The following CSMD1 variants were observed in gnomAD, a reference collection of about 807,000 sequenced individuals.
The protein encoded by CSMD1 is CUB and sushi domain-containing protein 1.
A neutral mutation model predicts 417.5 loss-of-function variants in CSMD1; 213 were observed. The ratio of observed to expected loss-of-function variants is 0.51; its 90% CI spans 0.46 to 0.57. The LOEUF (loss-of-function observed/expected upper bound fraction) is 0.57. CSMD1 is among the 20% of genes least tolerant of loss of function. The probability of loss-of-function intolerance (pLI) is 0.00; values close to 1 mark genes in which losing one functional copy is unlikely to be tolerated. For synonymous variants in CSMD1, 2,862 were observed against 1,736.8 expected (o/e 1.65, Z -16.11); for missense variants, 6,923 against 4,529.7 (o/e 1.53, Z -15.17).
chr8:4,589,931 C>T (rs899866062), intron 2 of CSMD1, among the ~76,000 whole-genome samples: 6 of 152,100 alleles, frequency 3.9e-5, no homozygotes, highest in African/African-American at 1.4e-4. Flanking sequence ...TTTGTCTAAC[C>T]CACACACTGG....
chr8:3,084,048 G>A (rs1028395096), intron 49 of CSMD1, among the ~76,000 whole-genome samples: 1 of 152,046 alleles, frequency 6.6e-6, no homozygotes, highest in Admixed American at 6.6e-5. Context: ...TTCTCCTTGG[G>A]TCAGTACACA....
chr8:3,241,200 T>A (rs938118970), intron 26 of CSMD1, among the ~76,000 whole-genome samples: 7 of 151,442 alleles, frequency 4.6e-5, no homozygotes, highest in Admixed American at 3.3e-4. Flanking sequence ...ATAAGGGAAC[T>A]GGGCAGGTGG....
intron 2 of CSMD1, among the ~76,000 whole-genome samples, chr8:4,434,848 G>T (rs1018392238): frequency 6.6e-6 from 1 of 152,072 alleles, no homozygotes; most frequent in Non-Finnish European, 1.5e-5. Flanking sequence ...CTGTCTCCTG[G>T]GCAACCGCAA....
At chr8:4,283,331 A>T (rs898168684) in intron 3 of CSMD1, among the ~76,000 whole-genome samples, 1 of 152,138 alleles carries the variant, frequency 6.6e-6, no homozygotes, top group African/African-American at 2.4e-5. Flanking sequence ...GTTCTCCTTC[A>T]CTGCTGCCCT....
chr8:4,448,346 C>T (rs1009252042), intron 2 of CSMD1, among the ~76,000 whole-genome samples: 1 of 152,278 alleles, frequency 6.6e-6, no homozygotes, highest in Admixed American at 6.5e-5. Flanking sequence ...AAGCCTTCTG[C>T]ACTAACTCAA....
At chr8:3,359,426 TAAAAA>T (rs34858861) in intron 20 of CSMD1, 86 bp from the exon 21 acceptor site, 5 of 515,130 alleles carry the variant, frequency 9.7e-6, no homozygotes, top group South Asian at 4.8e-5. Flanking sequence ...GTGCTATTAC[TAAAAA>T]AAAAAAAAAA....
intron 3 of CSMD1, among the ~76,000 whole-genome samples, chr8:4,159,651 C>T (rs1228707744): frequency 1.3e-5 from 2 of 152,126 alleles, no homozygotes; most frequent in South Asian, 2.1e-4. Context: ...CACAGTGGCG[C>T]GATCTCGGCT....
chr8:4,264,802 T>A (rs1804137291), intron 3 of CSMD1, among the ~76,000 whole-genome samples: 1 of 152,134 alleles, frequency 6.6e-6, no homozygotes, highest in African/African-American at 2.4e-5. Flanking sequence ...ACAAGTTAAT[T>A]CTTCTTGTTG....
chr8:3,682,863 T>C (rs537783033), intron 7 of CSMD1, among the ~76,000 whole-genome samples: 35 of 152,072 alleles, frequency 2.3e-4, no homozygotes, highest in Non-Finnish European at 3.7e-4. Context: ...TATGTAGCCA[T>C]AAAAAATGAA....
At chr8:3,580,194 A>G (rs1036479680) in intron 9 of CSMD1, among the ~76,000 whole-genome samples, 1 of 152,200 alleles carries the variant, frequency 6.6e-6, no homozygotes, top group African/African-American at 2.4e-5. Context: ...AGAGAGAACA[A>G]AACTAAGTTT....
At chr8:3,660,975 G>C (rs1215280331) in intron 7 of CSMD1, among the ~76,000 whole-genome samples, 1 of 152,146 alleles carries the variant, frequency 6.6e-6, no homozygotes, top group African/African-American at 2.4e-5. Context: ...AGAGGTGAGG[G>C]ATTGGCAGAG....
At chr8:4,675,319 A>C (rs2130959235) in intron 1 of CSMD1, among the ~76,000 whole-genome samples, 1 of 152,308 alleles carries the variant, frequency 6.6e-6, no homozygotes, top group East Asian at 1.9e-4. Flanking sequence ...CAACATCAAA[A>C]GTTATTTGTA....
chr8:4,162,302 A>G (rs142563004), intron 3 of CSMD1, among the ~76,000 whole-genome samples: 2 of 152,224 alleles, frequency 1.3e-5, no homozygotes, highest in Non-Finnish European at 2.9e-5. Flanking sequence ...AAGAAAACTC[A>G]GCAAAGTTTA....
At chr8:3,331,514 T>C (rs1036239026) in intron 23 of CSMD1, among the ~76,000 whole-genome samples, 7 of 152,224 alleles carry the variant, frequency 4.6e-5, no homozygotes, top group Admixed American at 4.6e-4. Flanking sequence ...CACTCACTAA[T>C]GATAGGACCT....
intron 3 of CSMD1, among the ~76,000 whole-genome samples, chr8:4,217,246 G>C (rs1161822042): frequency 2.0e-5 from 3 of 152,166 alleles, no homozygotes; most frequent in Non-Finnish European, 4.4e-5. Context: ...CTTCTATCTA[G>C]ATATGGGATT....
intron 1 of CSMD1, among the ~76,000 whole-genome samples, chr8:4,640,326 C>G (rs1330334903): frequency 6.6e-6 from 1 of 152,162 alleles, no homozygotes; most frequent in Non-Finnish European, 1.5e-5. Context: ...TTTAAAGTAT[C>G]TATGCCTAAG....
intron 2 of CSMD1, among the ~76,000 whole-genome samples, chr8:4,623,226 A>C (rs1801882217): frequency 6.6e-6 from 1 of 152,178 alleles, no homozygotes; most frequent in Admixed American, 6.5e-5. Context: ...AATGATCAAT[A>C]AGCACATAAA....
At chr8:4,799,822 A>G (rs1798180259) in intron 1 of CSMD1, among the ~76,000 whole-genome samples, 1 of 152,124 alleles carries the variant, frequency 6.6e-6, no homozygotes, top group Non-Finnish European at 1.5e-5. Context: ...AGAGATAAGT[A>G]TTAGAATGCT....
rs1201122435 is a variant in CSMD1, at chr8:4,152,487, G to A, written c.416-120388C>T. On this transcript the variant is annotated intron_variant, in intron 3 of 69. Coordinates refer to ENST00000635120, the MANE Select transcript of CSMD1 (RefSeq NM_033225.6). ...CCCAGCAGTTTGGGCCAAGGAGTAT[G>A]GAAAACACTGCAAAGCCCTGTCTCT... Among the ~76,000 whole-genome samples, 5 of 150,664 alleles carry A rather than the reference G, an allele frequency of 3.3e-5. No homozygotes were observed. In the South Asian group the frequency reaches 8.4e-4, roughly 25 times the overall value.
Sources: gnomAD v4.1 joint callset for allele counts (sites outside exome capture counted in the v4.1 genomes callset) on GRCh38, gnomAD v4.1.1 for gene constraint, MANE v1.5 for transcripts, NCBI Gene and HGNC (gene_info 2026-07-23, HGNC 2026-07-21) for gene names.